The following PRKCE variants were observed in gnomAD, a reference collection of about 807,000 sequenced individuals.
The protein encoded by PRKCE is protein kinase C epsilon, also known as protein kinase C epsilon type.
In PRKCE, 16 loss-of-function variants were observed where a neutral mutation model predicts 85.4. The observed-to-expected ratio is 0.19, with a 90% CI of 0.13 to 0.28. PRKCE has a LOEUF of 0.28. Ranked by LOEUF, PRKCE falls within the 10% of genes least tolerant of loss-of-function variation. The pLI is 1.00. For missense variants in PRKCE, 573 were observed against 975.2 expected, an observed-to-expected ratio of 0.59 and a Z score of 5.49; for synonymous variants, 388 against 371.5, an observed-to-expected ratio of 1.04 and a Z score of -0.51.
At chr2:45,692,597 A>G (rs1384676292) in intron 1 of PRKCE, among the ~76,000 whole-genome samples, 1 of 152,160 alleles carries the variant, frequency 6.6e-6, no homozygotes, top group Non-Finnish European at 1.5e-5. Context: ...TTCAACCCAT[A>G]AAACCATTTG....
rs569651784 is a variant in PRKCE at position 45,958,816 on chromosome 2, ATTTTTTTTTTTTTTTTTTTTT to A, written c.413-17594_413-17574del. The stretch of plus-strand genomic sequence containing the variant: ...CATATATATATATATATATATATAT[ATTTTTTTTTTTTTTTTTTTTT>A]TTTTTTTTTTTTTTTTTTAATAGAA... On this transcript the variant is annotated intron_variant, in intron 2 of 14. Coordinates refer to ENST00000306156, the MANE Select transcript of PRKCE (RefSeq NM_005400.3). 2.7e-3 allele frequency among the ~76,000 whole-genome samples: 49 copies of A among 18,158 alleles called. 1 individual carries two copies. In the East Asian group the frequency reaches 0.027, roughly 10 times the overall value. 11.9% of individuals were successfully genotyped at this position (18,158 alleles called of 152,430 possible).
intron 1 of PRKCE, among the ~76,000 whole-genome samples, chr2:45,676,366 T>G (rs937251673): frequency 6.6e-6 from 1 of 152,224 alleles, no homozygotes; most frequent in Non-Finnish European, 1.5e-5. Flanking sequence ...TCTTTTAAAC[T>G]GAAACCAGTG....
At chr2:45,802,083 TAAA>T (rs36010894) in intron 1 of PRKCE, among the ~76,000 whole-genome samples, 4,898 of 121,816 alleles carry the variant, frequency 0.04, 197 homozygotes, top group African/African-American at 0.097. Context: ...GACCCTATCT[TAAA>T]AAAAAAAAAA....
chr2:46,111,151 G>T (rs1464840050), intron 11 of PRKCE, among the ~76,000 whole-genome samples: 1 of 151,462 alleles, frequency 6.6e-6, no homozygotes, highest in Non-Finnish European at 1.5e-5. Flanking sequence ...AGAAGAATGT[G>T]AATTCTTATG....
chr2:46,091,402 A>G (rs537318229), intron 11 of PRKCE, among the ~76,000 whole-genome samples: 79 of 152,330 alleles, frequency 5.2e-4, no homozygotes, highest in Non-Finnish European at 9.7e-4. Flanking sequence ...TGACTTTCAG[A>G]GAATACTCCC....
At position 45,884,982 on chromosome 2, in the gene PRKCE, TA is replaced by T. The variant is rs56044044; in HGVS notation, c.412+41920del. On this transcript the variant is annotated intron_variant, in intron 2 of 14. Transcript: ENST00000306156. ...ATATATATATATATATATATATATA[TA>T]TATATATATATATATATATTTGTTG... Among the ~76,000 whole-genome samples, 20 of 72,252 alleles carry T rather than the reference TA, an allele frequency of 2.8e-4. 1 individual carries two copies. The highest frequency in any genetic ancestry group is 1.6e-3 in the East Asian group (1 of 626). 47.4% of individuals were successfully genotyped at this position (72,252 alleles called of 152,430 possible). A position where few individuals can be genotyped will look rare whatever the true frequency, so the allele number is the denominator to read the frequency against.
intron 10 of PRKCE, among the ~76,000 whole-genome samples, chr2:46,057,517 C>G (rs1451081126): frequency 6.6e-6 from 1 of 151,918 alleles, no homozygotes; most frequent in Non-Finnish European, 1.5e-5. Flanking sequence ...TCACTGCAAC[C>G]TCCACCTCCC....
chr2:46,096,396 C>G (rs1460740719), intron 11 of PRKCE, among the ~76,000 whole-genome samples: 1 of 152,178 alleles, frequency 6.6e-6, no homozygotes, highest in Admixed American at 6.5e-5. Context: ...ATCATGCCCC[C>G]AACCCCCAGA....
intron 2 of PRKCE, among the ~76,000 whole-genome samples, chr2:45,849,155 T>A (rs944836142): frequency 4.6e-5 from 7 of 152,316 alleles, no homozygotes; most frequent in Middle Eastern, 3.4e-3. Context: ...CTTAAATGTT[T>A]AAACTGTCTG....
chr2:45,668,245 G>A (rs989232510), intron 1 of PRKCE, among the ~76,000 whole-genome samples: 5 of 152,282 alleles, frequency 3.3e-5, no homozygotes, highest in African/African-American at 1.2e-4. Context: ...GGAGGCTGAG[G>A]CAGGAGAATC....
chr2:45,658,300 C>G (rs970772943), intron 1 of PRKCE, among the ~76,000 whole-genome samples: 4 of 152,234 alleles, frequency 2.6e-5, no homozygotes, highest in Non-Finnish European at 4.4e-5. Context: ...AGGATTCATT[C>G]TTGGCCCAGT....
rs184601762 is a variant in PRKCE at position 45,958,379 on chromosome 2, G to C, written c.413-18050G>C. On this transcript the variant is annotated intron_variant, in intron 2 of 14. Coordinates refer to ENST00000306156, the MANE Select transcript of PRKCE (RefSeq NM_005400.3). ...AAAAAATTAGCCAGGCGTGGTGGCG[G>C]GCGCCTGTAGTCCCAGCTATTTGGG... Among the ~76,000 whole-genome samples the C allele has an allele frequency of 4.2e-3, 631 of 151,142 alleles. 3 individuals carry two copies. The highest frequency in any genetic ancestry group is 0.034 in the Middle Eastern group (10 of 292).
intron 1 of PRKCE, among the ~76,000 whole-genome samples, chr2:45,776,057 C>G (rs1397596745): frequency 2.0e-5 from 3 of 152,190 alleles, no homozygotes; most frequent in Non-Finnish European, 4.4e-5. Flanking sequence ...TGCCCTTCCC[C>G]CATCCTGATC....
chr2:46,019,723 A>G (rs1706477041), intron 10 of PRKCE, among the ~76,000 whole-genome samples: 1 of 151,824 alleles, frequency 6.6e-6, no homozygotes, highest in African/African-American at 2.4e-5. Context: ...GAACTTACCA[A>G]TGACATTGTG....
intron 2 of PRKCE, among the ~76,000 whole-genome samples, chr2:45,949,511 C>A (rs756433391): frequency 7.3e-6 from 1 of 136,194 alleles, no homozygotes; most frequent in African/African-American, 2.8e-5. Context: ...TGTCTTTTCT[C>A]GGTATCTTTT....
chr2:45,671,878 T>A (rs923791870), intron 1 of PRKCE, among the ~76,000 whole-genome samples: 5 of 151,884 alleles, frequency 3.3e-5, no homozygotes, highest in Non-Finnish European at 5.9e-5. Flanking sequence ...CTGGCCAACA[T>A]GGCAAGACAC....
intron 2 of PRKCE, among the ~76,000 whole-genome samples, chr2:45,891,663 T>C (rs1383996477): frequency 1.3e-5 from 2 of 152,176 alleles, no homozygotes; most frequent in South Asian, 2.1e-4. Context: ...AATCATGCAA[T>C]GGGGATCTTC....
chr2:45,877,287 A>T (rs774794727), intron 2 of PRKCE, among the ~76,000 whole-genome samples: 1 of 152,182 alleles, frequency 6.6e-6, no homozygotes, highest in South Asian at 2.1e-4. Flanking sequence ...TTTTAATAAT[A>T]ACATATTTAG....
rs903084330 is a variant in PRKCE, at chr2:45,651,779, C to A, written c.-322C>A. On this transcript the variant is annotated 5_prime_UTR_variant, in exon 1 of 15. Coordinates refer to ENST00000306156, the MANE Select transcript of PRKCE (RefSeq NM_005400.3). The stretch of plus-strand genomic sequence containing the variant: ...GAGCCAGCGAGGCGGCGAGGCAGCC[C>A]CCGCGGCTTGCAGCGGAGCCGACAG... 1 of 223,482 alleles carries A rather than the reference C, an allele frequency of 4.5e-6. No individual in the cohort carries two copies. The highest frequency in any genetic ancestry group is 8.8e-6 in the Non-Finnish European group (1 of 113,834). The allele number at this position is 223,482 out of a possible 1,614,324, so 13.8% of individuals were successfully genotyped here. A position where few individuals can be genotyped will look rare whatever the true frequency, so the allele number is the denominator to read the frequency against.
Sources: allele counts gnomAD v4.1 joint callset (sites outside exome capture counted in the v4.1 genomes callset), GRCh38; gene constraint gnomAD v4.1.1; transcripts MANE v1.5; gene names NCBI Gene and HGNC (gene_info 2026-07-23, HGNC 2026-07-21).